Variants in SNX19 observed in about 807,000 individuals in gnomAD.
SNX19 encodes the protein sorting nexin-19.
In SNX19, 60 loss-of-function variants were observed where a neutral mutation model predicts 85.2. The ratio of observed to expected loss-of-function variants is 0.70; its 90% CI spans 0.57 to 0.87. SNX19 has a LOEUF of 0.87. Among genes scored for constraint, SNX19 ranks in the 40% least tolerant of loss-of-function variants. SNX19 has a pLI of 0.00. For synonymous variants in SNX19, 520 were observed against 470.0 expected, an observed-to-expected ratio of 1.11 and a Z score of -1.38; for missense variants, 1,201 against 1,217.8, an observed-to-expected ratio of 0.99 and a Z score of 0.21.
chr11:130,894,892 T>C (rs978033111), intron 8 of SNX19: 1 of 985,464 alleles, frequency 1.0e-6, no homozygotes, highest in African/African-American at 1.7e-5. Context: ...CTCTAAATTA[T>C]CTCTTATCCC....
chr11:130,869,907 T>C lies in SNX19; in HGVS notation c.*8515A>G, dbSNP rs577455608. On this transcript the variant is annotated 3_prime_UTR_variant, in exon 11 of 11. Coordinates refer to ENST00000265909, the MANE Select transcript of SNX19 (RefSeq NM_014758.3). ...ACCCACAAAGACTGATGAGCTGATA[T>C]AGAAAAAAAAAAAGGAATAAAGAAA... The C allele has an allele frequency of 2.9e-4, 40 of 136,600 alleles. No homozygotes were observed. Among genetic ancestry groups the C allele is most frequent in the African/African-American group, 1.2e-3 (39 of 31,416 alleles). 8.5% of individuals were successfully genotyped at this position (136,600 alleles called of 1,614,324 possible). A position where few individuals can be genotyped will look rare whatever the true frequency, so the allele number is the denominator to read the frequency against.
chr11:130,914,590 G>C lies in SNX19; in HGVS notation c.1350C>G (p.Asp450Glu). 1 of 1,613,984 alleles carries C rather than the reference G, an allele frequency of 6.2e-7. No individual in the cohort carries two copies. The highest frequency in any genetic ancestry group is 8.5e-7 in the Non-Finnish European group (1 of 1,179,868). ...TLNSCPEIHI[D>E]TADKEIEQGD... is the part of the protein sequence containing the mutation. The stretch of plus-strand genomic sequence containing the variant: ...CTTGTTCTATCTCCTTGTCTGCTGT[G>C]TCAATATGGATCTCTGGGCAGGAAT... Residue 450 changes from aspartate to glutamate, a missense_variant, in exon 1 of 11, where the codon GAC (aspartate) becomes GAG (glutamate). Asp to Glu is a conservative substitution (Grantham distance 45). Transcript: ENST00000265909.
intron 8 of SNX19, among the ~76,000 whole-genome samples, chr11:130,890,667 T>C (rs7924736): frequency 0.6 from 90,401 of 151,408 alleles, 27,313 homozygotes; most frequent in South Asian, 0.73. Context: ...GCCTTGAATG[T>C]TCTCTCTCTC....
Position 130,911,760 on chromosome 11 carries a change from G to A in SNX19, c.1686C>T (p.Ala562=). 6.2e-7 allele frequency: 1 copy of A among 1,614,086 alleles called. No homozygotes were observed. The highest frequency in any genetic ancestry group is 8.5e-7 in the Non-Finnish European group (1 of 1,180,006). Residue 562 remains alanine (A), a synonymous_variant, in exon 2 of 11, where the codon GCC becomes GCT. Coordinates refer to ENST00000265909, the MANE Select transcript of SNX19 (RefSeq NM_014758.3). Reference sequence around the variant, plus strand: ...GGCCGCTGCTGTTTTCACCGTCAAGGGCTGTCTCGTACTGTTCAACGAACA... The same window carrying A: ...GGCCGCTGCTGTTTTCACCGTCAAGAGCTGTCTCGTACTGTTCAACGAACA... ...YTLYTVKYET[A]LDGENSSGLQ...
intron 9 of SNX19, among the ~76,000 whole-genome samples, chr11:130,879,962 C>T (rs992514293): frequency 2.0e-5 from 3 of 152,158 alleles, no homozygotes; most frequent in Non-Finnish European, 2.9e-5. Flanking sequence ...AATGCAGGTA[C>T]TCCTTCCAAT....
At position 130,915,257 on chromosome 11, in the gene SNX19, T is replaced by A; in HGVS notation, c.683A>T (p.His228Leu). 1 of 1,614,196 alleles carries A rather than the reference T, an allele frequency of 6.2e-7. No individual in the cohort carries two copies. Among genetic ancestry groups the A allele is most frequent in the Non-Finnish European group, 8.5e-7 (1 of 1,180,042 alleles). Residue 228 changes from histidine to leucine, a missense_variant, in exon 1 of 11, where the codon CAC (histidine) becomes CTC (leucine). Around this residue, in one of 3 missense-constraint regions of SNX19, gnomAD observed 791 missense variants for 750.9 expected, o/e 1.05. Coordinates refer to ENST00000265909, the MANE Select transcript of SNX19 (RefSeq NM_014758.3). ...ATGGCGTCCGGTACGAGTCTCCAAGTGGGGCTTGGGCACCAGCCCTTGAAG... is the reference window on the plus strand; with the variant it reads ...ATGGCGTCCGGTACGAGTCTCCAAGAGGGGCTTGGGCACCAGCCCTTGAAG... ...LLLQGLVPKP[H>L]LETRTGRHVV...
chr11:130,882,110 G>C (rs980543789), intron 8 of SNX19, among the ~76,000 whole-genome samples: 1 of 152,206 alleles, frequency 6.6e-6, no homozygotes, highest in African/African-American at 2.4e-5. Context: ...TGGAAACCTA[G>C]AAAGTGGTTC....
At position 130,871,018 on chromosome 11, in the gene SNX19, T is replaced by C. The variant is rs1188388213; in HGVS notation, c.*7404A>G. 1.3e-5 allele frequency among the ~76,000 whole-genome samples: 2 copies of C among 152,130 alleles called. No individual in the cohort carries two copies. Among genetic ancestry groups the C allele is most frequent in the Admixed American group, 6.5e-5 (1 of 15,270 alleles). On this transcript the variant is annotated 3_prime_UTR_variant, in exon 11 of 11. Transcript: ENST00000265909. Reference sequence around the variant, plus strand: ...AGACAGTGCTTCTTGAAAATGGAACTTGAATTGGTCCTTATGGGCAGAGGT... The same window carrying C: ...AGACAGTGCTTCTTGAAAATGGAACCTGAATTGGTCCTTATGGGCAGAGGT...
At chr11:130,895,013 G>C (rs1944779479) in intron 8 of SNX19, 1 of 985,198 alleles carries the variant, frequency 1.0e-6, no homozygotes, top group Non-Finnish European at 1.2e-6. Context: ...TCTGATTTCA[G>C]ATCTGACTTC....
At chr11:130,879,069 T>C (rs1943462908) in intron 10 of SNX19, among the ~76,000 whole-genome samples, 1 of 152,214 alleles carries the variant, frequency 6.6e-6, no homozygotes, top group South Asian at 2.1e-4. Context: ...CTCTTCTGGA[T>C]TATTCTAGGA....
In SNX19 at chr11:130,911,749, T is replaced by A; in HGVS notation, c.1697A>T (p.Glu566Val). 2 of 1,614,204 alleles carry A rather than the reference T, an allele frequency of 1.2e-6. No individual in the cohort carries two copies. Among genetic ancestry groups the A allele is most frequent in the Non-Finnish European group, 1.7e-6 (2 of 1,180,038 alleles). Reference sequence around the variant, plus strand: ...CAGCTGCTGCAGGCCGCTGCTGTTTTCACCGTCAAGGGCTGTCTCGTACTG... The same window carrying A: ...CAGCTGCTGCAGGCCGCTGCTGTTTACACCGTCAAGGGCTGTCTCGTACTG... ...TVKYETALDG[E>V]NSSGLQQLAY... The change falls in exon 2 of 11, where the codon GAA becomes GTA. Residue 566 changes from glutamate (E) to valine (V), a missense_variant. Coordinates refer to ENST00000265909, the MANE Select transcript of SNX19 (RefSeq NM_014758.3).
chr11:130,906,277 T>C, intron 6 of SNX19, 144 bp from the exon 7 acceptor site: 1 of 866,608 alleles, frequency 1.2e-6, no homozygotes. Context: ...TAGGAAAGAT[T>C]TTATTTTTTA....
At chr11:130,885,420 G>A (rs567389820) in intron 8 of SNX19, among the ~76,000 whole-genome samples, 2 of 152,336 alleles carry the variant, frequency 1.3e-5, no homozygotes, top group East Asian at 3.9e-4. Flanking sequence ...TTCAAGGTTA[G>A]TAGAAGGTCA....
At chr11:130,893,361 G>A (rs1944634417) in intron 8 of SNX19, among the ~76,000 whole-genome samples, 1 of 152,126 alleles carries the variant, frequency 6.6e-6, no homozygotes. Flanking sequence ...CTGTGAAAAT[G>A]GCTACAGGAG....
At chr11:130,894,087 C>T (rs1944693761) in intron 8 of SNX19, among the ~76,000 whole-genome samples, 1 of 151,270 alleles carries the variant, frequency 6.6e-6, no homozygotes, top group Non-Finnish European at 1.5e-5. Flanking sequence ...TGATAAGATT[C>T]CTAACATCGG....
intron 8 of SNX19, among the ~76,000 whole-genome samples, chr11:130,893,381 G>A (rs1407138218): frequency 6.6e-6 from 1 of 152,118 alleles, no homozygotes; most frequent in East Asian, 1.9e-4. Context: ...GGCTGGAAAA[G>A]ACCAGCCTTG....
chr11:130,869,263 T>G lies in SNX19; in HGVS notation c.*9159A>C, dbSNP rs766887916. On this transcript the variant is annotated 3_prime_UTR_variant, in exon 11 of 11. Transcript: ENST00000265909. ...CGGGTCCAGCCAATTTAAGATAAACTCTGTTTAATTACATTTTACGTTTTA... is the reference window on the plus strand; with the variant it reads ...CGGGTCCAGCCAATTTAAGATAAACGCTGTTTAATTACATTTTACGTTTTA... The G allele has an allele frequency of 4.6e-5, 7 of 152,210 alleles. No homozygotes were observed. The highest frequency in any genetic ancestry group is 1.3e-4 in the Admixed American group (2 of 15,282). 9.4% of individuals were successfully genotyped at this position (152,210 alleles called of 1,614,324 possible).
intron 7 of SNX19, among the ~76,000 whole-genome samples, chr11:130,904,658 G>A (rs1945515680): frequency 6.6e-6 from 1 of 151,492 alleles, no homozygotes; most frequent in Non-Finnish European, 1.5e-5. Context: ...AGCAAACAAG[G>A]TACCACCAAG....
At chr11:130,913,004 T>G (rs983816565) in intron 1 of SNX19, among the ~76,000 whole-genome samples, 1 of 152,234 alleles carries the variant, frequency 6.6e-6, no homozygotes, top group Non-Finnish European at 1.5e-5. Flanking sequence ...CGTTCTCATT[T>G]TTTACTTTAC....
Sources: gnomAD v4.1 joint callset for allele counts (sites outside exome capture counted in the v4.1 genomes callset) on GRCh38, gnomAD v4.1.1 for gene constraint, gnomAD v4.1.1 regional missense constraint, MANE v1.5 for transcripts, NCBI Gene and HGNC (gene_info 2026-07-23, HGNC 2026-07-21) for gene names.